The following LRGUK variants were observed in gnomAD, a reference collection of about 807,000 sequenced individuals.
LRGUK encodes the protein leucine-rich repeat and guanylate kinase domain-containing protein.
In LRGUK, 65 loss-of-function variants were observed where a neutral mutation model predicts 76.0. The observed-to-expected ratio is 0.85, with a 90% CI of 0.70 to 1.05. The LOEUF (loss-of-function observed/expected upper bound fraction) is 1.05, where lower values mean the gene tolerates loss of function less well. Among genes scored for constraint, LRGUK ranks in the 50% least tolerant of loss-of-function variants. The probability of loss-of-function intolerance (pLI) is 0.00; values close to 1 mark genes in which losing one functional copy is unlikely to be tolerated. For missense variants in LRGUK, 758 were observed against 732.8 expected (o/e 1.03, Z -0.40); for synonymous variants, 268 against 265.6 (o/e 1.01, Z -0.09).
exon 1 of LRGUK, chr7:134,127,473 A>G (rs1011123370): frequency 6.2e-7 from 1 of 1,613,952 alleles, no homozygotes; most frequent in Non-Finnish European, 8.5e-7. Context: ...TCGCGCAGAA[A>G]AAGAGCGTCA....
At chr7:134,138,629 C>T (rs1370778446) in intron 2 of LRGUK, among the ~76,000 whole-genome samples, 5 of 152,140 alleles carry the variant, frequency 3.3e-5, no homozygotes, top group Non-Finnish European at 7.4e-5. Context: ...CTTCATTAAA[C>T]AATCACCATT....
chr7:134,260,236 A>C (rs34231360), intron 19 of LRGUK, among the ~76,000 whole-genome samples: 54,118 of 151,806 alleles, frequency 0.36, 11,381 homozygotes, highest in South Asian at 0.5. Flanking sequence ...ATAATATATA[A>C]TATTGAGCCA....
At chr7:134,258,718 T>A (rs1043068648) in intron 19 of LRGUK, among the ~76,000 whole-genome samples, 3 of 152,034 alleles carry the variant, frequency 2.0e-5, no homozygotes, top group Admixed American at 6.6e-5. Flanking sequence ...GTATGCGTTG[T>A]TTTACATATG....
intron 11 of LRGUK, 87 bp from the exon 12 acceptor site, chr7:134,191,568 T>A (rs1041092921): frequency 2.1e-6 from 2 of 939,110 alleles, no homozygotes; most frequent in East Asian, 5.1e-5. Context: ...ATTAACTTCA[T>A]TTTTTAAAAC....
intron 8 of LRGUK, among the ~76,000 whole-genome samples, chr7:134,176,257 T>TAAAC (rs2116989757): frequency 6.6e-6 from 1 of 152,228 alleles, no homozygotes; most frequent in East Asian, 1.9e-4. Context: ...TCAGGATAAA[T>TAAAC]AGCTAATGCA....
At chr7:134,159,447 CTA>C (rs1269190723) in intron 6 of LRGUK, among the ~76,000 whole-genome samples, 1 of 151,886 alleles carries the variant, frequency 6.6e-6, no homozygotes, top group Non-Finnish European at 1.5e-5. Flanking sequence ...TGAAGATTGG[CTA>C]TGTGTTAGTT....
chr7:134,179,078 G>T (rs1799627923), intron 10 of LRGUK, among the ~76,000 whole-genome samples: 2 of 152,040 alleles, frequency 1.3e-5, no homozygotes, highest in African/African-American at 4.8e-5. Context: ...GCCAAAGACT[G>T]TTCCATGAAT....
At position 134,221,847 on chromosome 7, in the gene LRGUK, T is replaced by A. The variant is rs150705013; in HGVS notation, c.1912T>A (p.Phe638Ile). The A allele has an allele frequency of 1.9e-3, 3,085 of 1,604,040 alleles. 6 individuals carry two copies. The highest frequency in any genetic ancestry group is 2.0e-3 in the Non-Finnish European group (2,358 of 1,175,902). ...GTATATTTCTTCGAATATGGGTGAT[T>A]TCCTGCATTCTACAGACAGAAACTA... Residue 638 changes from phenylalanine (F) to isoleucine (I), a missense_variant, in exon 16 of 20, where the codon TTC (phenylalanine) becomes ATC (isoleucine). Phe to Ile is a conservative substitution (Grantham distance 21). Coordinates refer to the LRGUK transcript ENST00000285928.
downstream of LRGUK, among the ~76,000 whole-genome samples, chr7:134,213,390 T>TTTAGACAATTTAGAC (rs1801347974): frequency 6.6e-6 from 1 of 152,018 alleles, no homozygotes; most frequent in Non-Finnish European, 1.5e-5. Context: ...ATTGTCAAAT[T>TTTAGACAATTTAGAC]AGGTAAATAT....
chr7:134,131,347 A>G (rs1219796179), intron 1 of LRGUK, among the ~76,000 whole-genome samples: 1 of 152,270 alleles, frequency 6.6e-6, no homozygotes, highest in East Asian at 1.9e-4. Flanking sequence ...GAAGACATAC[A>G]TGGTCCCTGC....
At chr7:134,227,243 A>G (rs1384845969) in intron 16 of LRGUK, among the ~76,000 whole-genome samples, 1 of 152,148 alleles carries the variant, frequency 6.6e-6, no homozygotes, top group South Asian at 2.1e-4. Flanking sequence ...TAGGACAATA[A>G]CATCGAAGTA....
At chr7:134,128,103 C>T in intron 1 of LRGUK, among the ~76,000 whole-genome samples, 1 of 101,032 alleles carries the variant, frequency 9.9e-6, no homozygotes. Flanking sequence ...GTCAGCCTCC[C>T]TCCAGGAAAA....
the LRGUK span, among the ~76,000 whole-genome samples, chr7:134,272,119 A>C: frequency 3.4e-4 from 51 of 152,202 alleles, no homozygotes; most frequent in Middle Eastern, 6.8e-3. Context: ...ATGCTTCACT[A>C]TTCAGTGTGA....
At chr7:134,248,844 T>G in intron 17 of LRGUK, 107 bp from the exon 18 acceptor site, 1 of 824,300 alleles carries the variant, frequency 1.2e-6, no homozygotes, top group African/African-American at 1.8e-5. Flanking sequence ...CACATAGATC[T>G]CATTGGCATT....
downstream of LRGUK, among the ~76,000 whole-genome samples, chr7:134,264,964 A>G (rs757555801): frequency 6.6e-6 from 1 of 152,166 alleles, no homozygotes. Flanking sequence ...CCTGTGACAA[A>G]TTTGGTTGTA....
intron 12 of LRGUK, among the ~76,000 whole-genome samples, chr7:134,192,545 C>T (rs1482197836): frequency 6.6e-6 from 1 of 152,192 alleles, no homozygotes; most frequent in Admixed American, 6.5e-5. Context: ...TCTTTGAATT[C>T]ATTTTCTTCA....
chr7:134,229,375 AATCTATCTATCTATCTATCT>A (rs3030442), intron 16 of LRGUK, among the ~76,000 whole-genome samples: 2 of 147,478 alleles, frequency 1.4e-5, no homozygotes, highest in Non-Finnish European at 3.0e-5. Context: ...AAAAAAAAAA[AATCTATCTATCTATCTATCT>A]ATCTATCTAT....
chr7:134,178,311 T>A (rs1469681353), intron 9 of LRGUK, among the ~76,000 whole-genome samples, 192 bp from the exon 10 acceptor site: 1 of 152,064 alleles, frequency 6.6e-6, no homozygotes, highest in Non-Finnish European at 1.5e-5. Context: ...TTTTAAATAA[T>A]TATCATTTCT....
At chr7:134,180,331 TCCATC>T (rs1319956631) in intron 10 of LRGUK, among the ~76,000 whole-genome samples, 10 of 82,884 alleles carry the variant, frequency 1.2e-4, no homozygotes, top group South Asian at 4.1e-4. Flanking sequence ...CATCCATCCA[TCCATC>T]CAATCTATTT....
Sources: gnomAD v4.1 joint callset for allele counts (sites outside exome capture counted in the v4.1 genomes callset) on GRCh38, gnomAD v4.1.1 for gene constraint, MANE v1.5 for transcripts, NCBI Gene and HGNC (gene_info 2026-07-23, HGNC 2026-07-21) for gene names.